The following CDC23 variants were observed in gnomAD, a reference collection of about 807,000 sequenced individuals.
CDC23 encodes the protein cell division cycle protein 23 homolog.
A neutral mutation model predicts 81.7 loss-of-function variants in CDC23; 26 were observed. That is an observed-to-expected ratio of 0.32 (90% CI 0.23 to 0.44). The LOEUF (loss-of-function observed/expected upper bound fraction) is 0.44, where lower values mean the gene tolerates loss of function less well. Among genes scored for constraint, CDC23 ranks in the 20% least tolerant of loss-of-function variants. The pLI is 1.00. For synonymous variants in CDC23, 267 were observed against 270.8 expected, an observed-to-expected ratio of 0.99 and a Z score of 0.14; for missense variants, 519 against 728.0, an observed-to-expected ratio of 0.71 and a Z score of 3.30.
At chr5:138,212,461 GGC>G (rs1755124240) in intron 2 of CDC23, among the ~76,000 whole-genome samples, 1 of 152,104 alleles carries the variant, frequency 6.6e-6, no homozygotes. Context: ...TGGGATTACA[GGC>G]GCGCGCCACC....
chr5:138,213,297 A>C lies in CDC23; in HGVS notation c.16T>G (p.Ser6Ala). 6.2e-7 allele frequency: 1 copy of C among 1,613,578 alleles called. No homozygotes were observed. Among genetic ancestry groups the C allele is most frequent in the East Asian group, 2.2e-5 (1 of 44,876 alleles). MAAST[S>A]MVPVAVTAAV... is the part of the protein sequence containing the mutation. ...GCCGTCACAGCCACCGGGACCATGG[A>C]GGTACTCGCAGCCATTTTCCCGACT... Residue 6 changes from serine (S) to alanine (A), a missense_variant, in exon 1 of 16, where the codon TCC (serine) becomes GCC (alanine). Ser to Ala is a moderately conservative substitution (Grantham distance 99, BLOSUM62 1). This residue lies in a region of CDC23 where 126 missense variants were observed against 116.2 expected (regional missense o/e 1.08). Transcript: ENST00000394886.
At chr5:138,212,898 G>C in intron 2 of CDC23, 93 bp downstream of exon 2, 1 of 945,836 alleles carries the variant, frequency 1.1e-6, no homozygotes. Context: ...TTTCTGCTAA[G>C]CAGTTTGCTC....
At chr5:138,213,115 G>A (rs1411993976) in intron 1 of CDC23, 37 bp downstream of exon 1, 1 of 1,613,994 alleles carries the variant, frequency 6.2e-7, no homozygotes, top group East Asian at 2.2e-5. Context: ...CAAGGCCAAG[G>A]ATCCAAGCCC....
At position 138,198,927 on chromosome 5, in the gene CDC23, T is replaced by C. The variant is rs1012737846; in HGVS notation, c.655-145A>G. 48 of 756,868 alleles carry C rather than the reference T, an allele frequency of 6.3e-5. No homozygotes were observed. In the African/African-American group the frequency reaches 8.1e-4, roughly 13 times the overall value. The allele number at this position is 756,868 out of a possible 1,614,324, so 46.9% of individuals were successfully genotyped here. On this transcript the variant is annotated intron_variant, in intron 6 of 15. Transcript: ENST00000394886. Reference sequence around the variant, plus strand: ...AGTAATGAAAACAGGACAGTCCAATTAACTGAATATGACTTACAAGCATAA... The same window carrying C: ...AGTAATGAAAACAGGACAGTCCAATCAACTGAATATGACTTACAAGCATAA...
chr5:138,195,597 ATTATATATG>A, intron 9 of CDC23, among the ~76,000 whole-genome samples: 1 of 77,668 alleles, frequency 1.3e-5, no homozygotes, highest in Admixed American at 2.3e-4. Flanking sequence ...TATAATATAT[ATTATATATG>A]ATATATTTAT....
intron 13 of CDC23, among the ~76,000 whole-genome samples, chr5:138,190,347 A>C (rs1441591087): frequency 6.6e-6 from 1 of 151,752 alleles, no homozygotes; most frequent in Admixed American, 6.6e-5. Context: ...AATCCCACCT[A>C]CTCAGGAAGC....
At position 138,198,587 on chromosome 5, in the gene CDC23, T is replaced by C. The variant is rs780131899; in HGVS notation, c.832+18A>G. On this transcript the variant is annotated intron_variant, in intron 7 of 15. Transcript: ENST00000394886. ...CCTGTCAGGGTCTGATAGTATTTCA[T>C]TGTCTTTATTCACTCACCTCTGATA... 4.3e-6 allele frequency: 7 copies of C among 1,613,894 alleles called. No individual in the cohort carries two copies. The South Asian group carries it at 4.4e-5, about 10-fold the overall frequency.
chr5:138,207,718 G>A (rs536098009), intron 2 of CDC23, among the ~76,000 whole-genome samples: 2 of 152,104 alleles, frequency 1.3e-5, no homozygotes, highest in Admixed American at 6.6e-5. Context: ...CACTGTGGGA[G>A]ACCAGGGCAA....
intron 3 of CDC23, among the ~76,000 whole-genome samples, chr5:138,203,108 T>C (rs1755006911): frequency 6.6e-6 from 1 of 152,002 alleles, no homozygotes; most frequent in Non-Finnish European, 1.5e-5. Flanking sequence ...ATGAAGAATG[T>C]TCTATTAACA....
At chr5:138,201,999 T>C in intron 4 of CDC23, 114 bp downstream of exon 4, 1 of 725,162 alleles carries the variant, frequency 1.4e-6, no homozygotes. Context: ...CCAGGTGCTT[T>C]CCAATTTGTA....
At position 138,188,030 on chromosome 5, in the gene CDC23, G is replaced by A. The variant is rs1754775218; in HGVS notation, c.*948C>T. ...ACCTCCTGCTGTACACACATGCACA[G>A]GCCTGAAACTCTCCAAGAGCACCAT... On this transcript the variant is annotated 3_prime_UTR_variant, in exon 16 of 16. Coordinates refer to ENST00000394886, the MANE Select transcript of CDC23 (RefSeq NM_004661.4). 6.6e-6 allele frequency: 1 copy of A among 152,296 alleles called. No individual in the cohort carries two copies. Among genetic ancestry groups the A allele is most frequent in the Non-Finnish European group, 1.5e-5 (1 of 68,196 alleles). 9.4% of individuals were successfully genotyped at this position (152,296 alleles called of 1,614,324 possible).
chr5:138,192,634 G>C lies in CDC23; in HGVS notation c.1036C>G (p.Gln346Glu), dbSNP rs750915408. Reference protein sequence around the residue: ...VIGNYYSLRSQHEKAALYFQR... With the variant: ...VIGNYYSLRSEHEKAALYFQR... ...AAATATAAGGCTGCTTTCTCATGCTGAGAACGTAAACTGTAATAATTGCCT... is the reference window on the plus strand; with the variant it reads ...AAATATAAGGCTGCTTTCTCATGCTCAGAACGTAAACTGTAATAATTGCCT... The change falls in exon 10 of 16, where the codon CAG (glutamine) becomes GAG (glutamate). Residue 346 changes from glutamine to glutamate, a missense_variant. Transcript: ENST00000394886. 6.2e-7 allele frequency: 1 copy of C among 1,613,308 alleles called. No homozygotes were observed. The highest frequency in any genetic ancestry group is 8.5e-7 in the Non-Finnish European group (1 of 1,179,764).
chr5:138,200,619 A>C (rs1043593333), intron 6 of CDC23, among the ~76,000 whole-genome samples: 2 of 151,950 alleles, frequency 1.3e-5, no homozygotes, highest in African/African-American at 4.8e-5. Flanking sequence ...CAGGAGTTCG[A>C]AGCCAGCCTG....
intron 2 of CDC23, among the ~76,000 whole-genome samples, chr5:138,207,816 G>C (rs752491854): frequency 1.3e-5 from 2 of 151,942 alleles, no homozygotes; most frequent in Non-Finnish European, 2.9e-5. Context: ...AAATAGTTGG[G>C]CATGGTACTA....
intron 9 of CDC23, among the ~76,000 whole-genome samples, chr5:138,193,840 C>G (rs1754853411): frequency 6.6e-6 from 1 of 151,992 alleles, no homozygotes; most frequent in Non-Finnish European, 1.5e-5. Context: ...TGCCTGTAAT[C>G]CCAGCTCCTC....
At chr5:138,190,311 A>G (rs1754812046) in intron 13 of CDC23, among the ~76,000 whole-genome samples, 1 of 151,890 alleles carries the variant, frequency 6.6e-6, no homozygotes, top group Non-Finnish European at 1.5e-5. Flanking sequence ...TAGAAAAATT[A>G]GCCGGGCGTT....
intron 6 of CDC23, among the ~76,000 whole-genome samples, chr5:138,200,717 G>A (rs1425791419): frequency 6.6e-6 from 1 of 152,090 alleles, no homozygotes; most frequent in Non-Finnish European, 1.5e-5. Context: ...CTACTTGGGA[G>A]GCTGAGGCAG....
intron 3 of CDC23, among the ~76,000 whole-genome samples, chr5:138,204,652 C>T (rs1455564391): frequency 1.4e-5 from 2 of 146,776 alleles, no homozygotes; most frequent in East Asian, 4.0e-4. Context: ...CGGAGTCTCA[C>T]TCTGCCGCCC....
rs1754831069 is a variant in CDC23, at chr5:138,191,923, C to T, written c.1301G>A (p.Arg434His). 6.2e-7 allele frequency: 1 copy of T among 1,613,998 alleles called. No individual in the cohort carries two copies. Among genetic ancestry groups the T allele is most frequent in the Non-Finnish European group, 8.5e-7 (1 of 1,179,928 alleles). The change falls in exon 12 of 16, where the codon CGC becomes CAC. Residue 434 changes from arginine (R) to histidine (H), a missense_variant. Physicochemically the swap from Arg to His is conservative, Grantham distance 29. Transcript: ENST00000394886. ...ACATTCTCCTAAAGCAACCAGCATG[C>T]GAGAATCATTGGGTCTGAGAAAGAA... ...RAHQLRPNDS[R>H]MLVALGECYE... is the part of the protein sequence containing the mutation.
Sources: gnomAD v4.1 joint callset for allele counts (sites outside exome capture counted in the v4.1 genomes callset) on GRCh38, gnomAD v4.1.1 for gene constraint, gnomAD v4.1.1 regional missense constraint, MANE v1.5 for transcripts, NCBI Gene and HGNC (gene_info 2026-07-23, HGNC 2026-07-21) for gene names.